Variants in RAPH1 observed in about 807,000 individuals in gnomAD.
RAPH1 encodes the protein Ras association (RalGDS/AF-6) and pleckstrin homology domains 1.
A neutral mutation model predicts 88.1 loss-of-function variants in RAPH1; 18 were observed. The observed-to-expected ratio is 0.20, with a 90% CI of 0.14 to 0.30. The LOEUF (loss-of-function observed/expected upper bound fraction) is 0.30, where lower values mean the gene tolerates loss of function less well. Among genes scored for constraint, RAPH1 ranks in the 10% least tolerant of loss-of-function variants. The pLI is 1.00. For missense variants in RAPH1, 1,448 were observed against 1,543.2 expected, an observed-to-expected ratio of 0.94 and a Z score of 1.03; for synonymous variants, 587 against 559.0, an observed-to-expected ratio of 1.05 and a Z score of -0.71.
rs1033220394 is a variant in RAPH1, at chr2:203,464,854, C to A, written c.733-2929G>T. 5.9e-5 allele frequency among the ~76,000 whole-genome samples: 9 copies of A among 152,040 alleles called. No individual in the cohort carries two copies. The South Asian group carries it at 8.3e-4, about 14-fold the overall frequency. On this transcript the variant is annotated intron_variant, in intron 4 of 13. Transcript: ENST00000319170. ...ATAGGCAAAAGACCTGAAAAGATACCTCACTAAAGAAGACAGCTAGTAAAT... is the reference window on the plus strand; with the variant it reads ...ATAGGCAAAAGACCTGAAAAGATACATCACTAAAGAAGACAGCTAGTAAAT...
chr2:203,533,422 G>A (rs1690475050), intron 1 of RAPH1: 1 of 152,056 alleles, frequency 6.6e-6, no homozygotes, highest in Non-Finnish European at 1.5e-5. Flanking sequence ...CAAAATAACG[G>A]AGACAATCTT....
intron 4 of RAPH1, among the ~76,000 whole-genome samples, chr2:203,481,854 G>A (rs1275098070): frequency 6.7e-5 from 10 of 149,788 alleles, no homozygotes; most frequent in East Asian, 3.9e-4. Context: ...CGCCCACCTC[G>A]GCCTCCCAAA....
intron 1 of RAPH1, among the ~76,000 whole-genome samples, chr2:203,507,238 A>C (rs1178671824): frequency 2.6e-5 from 4 of 152,022 alleles, no homozygotes; most frequent in Non-Finnish European, 5.9e-5. Context: ...CACAGTAAAG[A>C]AGAAAGCTCT....
chr2:203,506,856 C>CTATA (rs1231672342), intron 1 of RAPH1, among the ~76,000 whole-genome samples: 3,197 of 30,592 alleles, frequency 0.1, 156 homozygotes, highest in Middle Eastern at 0.14. Flanking sequence ...CTATCTATAT[C>CTATA]TATATATATA....
At chr2:203,461,670 C>T (rs2098524320) in intron 5 of RAPH1, among the ~76,000 whole-genome samples, 178 bp downstream of exon 5, 2 of 152,104 alleles carry the variant, frequency 1.3e-5, no homozygotes, top group South Asian at 4.1e-4. Flanking sequence ...CAGAAAATTA[C>T]TCCTTTTATA....
At chr2:203,509,012 T>A (rs966688649) in intron 1 of RAPH1, among the ~76,000 whole-genome samples, 4 of 151,880 alleles carry the variant, frequency 2.6e-5, no homozygotes, top group African/African-American at 7.3e-5. Context: ...CTTAGAAAGA[T>A]ATTTATTCAT....
chr2:203,500,914 AT>A (rs1003905160), intron 1 of RAPH1, among the ~76,000 whole-genome samples: 1 of 152,208 alleles, frequency 6.6e-6, no homozygotes, highest in African/African-American at 2.4e-5. Flanking sequence ...TTACAGATAA[AT>A]TTTAGTTCTT....
intron 10 of RAPH1, among the ~76,000 whole-genome samples, chr2:203,450,905 T>A (rs2153637542): frequency 6.6e-6 from 1 of 152,248 alleles, no homozygotes; most frequent in East Asian, 1.9e-4. Flanking sequence ...GGGTTTTTTT[T>A]TTTTTTTAAT....
At chr2:203,534,952 T>C (rs1216548993) in intron 1 of RAPH1, among the ~76,000 whole-genome samples, 159 bp downstream of exon 1, 2 of 151,992 alleles carry the variant, frequency 1.3e-5, no homozygotes, top group Admixed American at 6.5e-5. Flanking sequence ...ATCCCCAACC[T>C]GGCAACGACC....
In RAPH1 at chr2:203,448,107, T is replaced by A; in HGVS notation, c.1513-28A>T. The A allele has an allele frequency of 6.2e-7, 1 of 1,610,642 alleles. No individual in the cohort carries two copies. Among genetic ancestry groups the A allele is most frequent in the Non-Finnish European group, 8.5e-7 (1 of 1,177,732 alleles). ...AAAGAGAAGACAGGAAATGGTGACA[T>A]CTAAACTTTACTGAGTATGATACAG... On this transcript the variant is annotated intron_variant, in intron 11 of 13. Coordinates refer to ENST00000319170, the MANE Select transcript of RAPH1 (RefSeq NM_213589.3). This position sits in a 1 kb window ranked among gnomAD's most constrained non-coding sequence, Gnocchi z 4.1.
intron 1 of RAPH1, among the ~76,000 whole-genome samples, chr2:203,522,658 T>C (rs569076111): frequency 6.6e-6 from 1 of 152,006 alleles, no homozygotes; most frequent in South Asian, 2.1e-4. Flanking sequence ...TCCCAGCAGT[T>C]TGGAAGGCTG....
intron 1 of RAPH1, among the ~76,000 whole-genome samples, chr2:203,518,596 T>C (rs1022273837): frequency 6.6e-6 from 1 of 151,602 alleles, no homozygotes; most frequent in African/African-American, 2.4e-5. Flanking sequence ...ACTACAATCC[T>C]AGTGCTTTGA....
At chr2:203,514,264 C>T (rs1040923145) in intron 1 of RAPH1, among the ~76,000 whole-genome samples, 1 of 152,238 alleles carries the variant, frequency 6.6e-6, no homozygotes, top group African/African-American at 2.4e-5. Context: ...AAGACAGCCA[C>T]AGCTATCTGC....
chr2:203,513,351 CTTTTTTTTTT>C (rs35194583), intron 1 of RAPH1, among the ~76,000 whole-genome samples: 1 of 86,912 alleles, frequency 1.2e-5, no homozygotes, highest in Non-Finnish European at 2.2e-5. Context: ...TTCTCTCAAT[CTTTTTTTTTT>C]TTTTTTTTTT....
Position 203,460,130 on chromosome 2 carries a change from A to G in RAPH1, c.971-102T>C. 3 of 1,017,798 alleles carry G rather than the reference A, an allele frequency of 2.9e-6. No individual in the cohort carries two copies. The South Asian group carries it at 4.9e-5, about 16-fold the overall frequency. The allele number at this position is 1,017,798 out of a possible 1,614,324, so 63.0% of individuals were successfully genotyped here. A position where few individuals can be genotyped will look rare whatever the true frequency, so the allele number is the denominator to read the frequency against. ...GTTAACCTCAGAACCACATAATCTT[A>G]ACCGACATTTTAGCACCTAAAAATT... On this transcript the variant is annotated intron_variant, in intron 6 of 13. Coordinates refer to ENST00000319170, the MANE Select transcript of RAPH1 (RefSeq NM_213589.3).
rs1420508587 is a variant in RAPH1 at position 203,438,100 on chromosome 2, G to T, written c.*1337C>A. ...TGCACACGCATAAAACGTAATGTCA[G>T]TTACTGGACTTGGACTGTCCCACTC... On this transcript the variant is annotated 3_prime_UTR_variant, in exon 14 of 14. Transcript: ENST00000319170. 1 of 516,890 alleles carries T rather than the reference G, an allele frequency of 1.9e-6. No individual in the cohort carries two copies. Among genetic ancestry groups the T allele is most frequent in the African/African-American group, 1.9e-5 (1 of 51,928 alleles). The allele number at this position is 516,890 out of a possible 1,614,324, so 32.0% of individuals were successfully genotyped here.
chr2:203,498,700 G>C (rs1688617249), intron 1 of RAPH1, among the ~76,000 whole-genome samples: 1 of 152,228 alleles, frequency 6.6e-6, no homozygotes. Flanking sequence ...TGAGAACAGA[G>C]TGTAACTGCC....
rs951869279 is a variant in RAPH1 at position 203,436,781 on chromosome 2, T to C, written c.*2656A>G. On this transcript the variant is annotated 3_prime_UTR_variant, in exon 14 of 14. Coordinates refer to ENST00000319170, the MANE Select transcript of RAPH1 (RefSeq NM_213589.3). ...TAGTGTCGTGCGGCAGTAGATGCTT[T>C]CCATGAATACACCAGAGAAAAAGAG... 1 of 152,178 alleles carries C rather than the reference T, an allele frequency of 6.6e-6. No individual in the cohort carries two copies. Among genetic ancestry groups the C allele is most frequent in the African/African-American group, 2.4e-5 (1 of 41,436 alleles). The allele number at this position is 152,178 out of a possible 1,614,324, so 9.4% of individuals were successfully genotyped here.
At chr2:203,462,070 C>CA in intron 4 of RAPH1, 145 bp from the exon 5 acceptor site, 1 of 518,016 alleles carries the variant, frequency 1.9e-6, no homozygotes. Context: ...TAACTGTTCA[C>CA]AAAGAGCAGA....
Sources: allele counts gnomAD v4.1 joint callset (sites outside exome capture counted in the v4.1 genomes callset), GRCh38; gene constraint gnomAD v4.1.1; non-coding constraint Gnocchi (gnomAD v3.1); transcripts MANE v1.5; gene names NCBI Gene and HGNC (gene_info 2026-07-23, HGNC 2026-07-21).